Variants in NCMAP observed in about 807,000 individuals in gnomAD.
NCMAP encodes the protein non-compact myelin associated protein, also known as noncompact myelin-associated protein.
In NCMAP, 8 loss-of-function variants were observed where a neutral mutation model predicts 7.8. The observed-to-expected ratio is 1.02, with a 90% CI of 0.60 to 1.84. NCMAP has a LOEUF of 1.84. Among genes scored for constraint, NCMAP ranks in the 40% most tolerant of loss-of-function variants. NCMAP has a pLI of 0.00. For missense variants in NCMAP, 112 were observed against 131.4 expected (o/e 0.85, Z 0.72); for synonymous variants, 41 against 52.9 (o/e 0.78, Z 0.98).
At chr1:24,577,401 G>GTTTTTTTTTTTTTTTTT (rs71577720) in intron 1 of NCMAP, among the ~76,000 whole-genome samples, 10 of 39,958 alleles carry the variant, frequency 2.5e-4, no homozygotes, top group African/African-American at 3.2e-4. Context: ...CACTGGCCTT[G>GTTTTTTTTTTTTTTTTT]TTTTTTTTTT....
rs1000222964 is a variant in NCMAP, at chr1:24,571,822, G to A, written c.-8+15653G>A. On this transcript the variant is annotated intron_variant, in intron 1 of 3. Transcript: ENST00000374392. The stretch of plus-strand genomic sequence containing the variant: ...GCTGGTCACAAACTCCTGACCTCAA[G>A]TGATCCGCCTGCCTCGGCCTCCCAA... 3.3e-5 allele frequency among the ~76,000 whole-genome samples: 5 copies of A among 150,738 alleles called. 1 individual carries two copies. The highest frequency in any genetic ancestry group is 1.2e-4 in the African/African-American group (5 of 40,076).
chr1:24,594,432 C>T (rs952431687), intron 1 of NCMAP, among the ~76,000 whole-genome samples: 1 of 152,176 alleles, frequency 6.6e-6, no homozygotes, highest in Non-Finnish European at 1.5e-5. Flanking sequence ...ATTCACTCAA[C>T]CACCTTGAGT....
At position 24,609,139 on chromosome 1, in the gene NCMAP, A is replaced by G. The variant is rs1427380782; in HGVS notation, c.*3392A>G. 1.3e-5 allele frequency: 2 copies of G among 152,228 alleles called. No individual in the cohort carries two copies. The highest frequency in any genetic ancestry group is 2.9e-5 in the Non-Finnish European group (2 of 68,040). 9.4% of individuals were successfully genotyped at this position (152,228 alleles called of 1,614,324 possible). On this transcript the variant is annotated 3_prime_UTR_variant, in exon 4 of 4. Coordinates refer to ENST00000374392, the MANE Select transcript of NCMAP (RefSeq NM_001010980.5). ...TGCAAGTTGAGGTGCTACTAAGTACATTAAGACACAATTGCTGCTCTCAAG... is the reference window on the plus strand; with the variant it reads ...TGCAAGTTGAGGTGCTACTAAGTACGTTAAGACACAATTGCTGCTCTCAAG...
At chr1:24,566,779 C>T (rs1443561120) in intron 1 of NCMAP, among the ~76,000 whole-genome samples, 1 of 152,172 alleles carries the variant, frequency 6.6e-6, no homozygotes, top group Non-Finnish European at 1.5e-5. Context: ...TGCCTCAAAT[C>T]CACTAAGCAT....
intron 1 of NCMAP, among the ~76,000 whole-genome samples, chr1:24,556,468 C>A (rs1404972684): frequency 6.6e-6 from 1 of 152,208 alleles, no homozygotes; most frequent in Non-Finnish European, 1.5e-5. Context: ...GGGGCCGAGG[C>A]TCGCTGGAAG....
chr1:24,600,591 C>T (rs1652450523), intron 2 of NCMAP, among the ~76,000 whole-genome samples: 1 of 152,202 alleles, frequency 6.6e-6, no homozygotes, highest in African/African-American at 2.4e-5. Flanking sequence ...TTATTTTCTA[C>T]AAAAATCACA....
chr1:24,558,725 G>C (rs1224896083), intron 1 of NCMAP, among the ~76,000 whole-genome samples: 1 of 152,048 alleles, frequency 6.6e-6, no homozygotes, highest in Non-Finnish European at 1.5e-5. Context: ...TCACTCTCAG[G>C]GTTTGCAAAC....
At chr1:24,581,649 C>G (rs1350887252) in intron 1 of NCMAP, among the ~76,000 whole-genome samples, 2 of 152,162 alleles carry the variant, frequency 1.3e-5, no homozygotes, top group South Asian at 2.1e-4. Context: ...CGCACTTCCT[C>G]TAGTCTGTAA....
intron 1 of NCMAP, among the ~76,000 whole-genome samples, chr1:24,590,981 A>G (rs543262468): frequency 6.6e-6 from 1 of 152,224 alleles, no homozygotes; most frequent in Non-Finnish European, 1.5e-5. Context: ...TTTACAGATG[A>G]GCAAATGAAG....
In NCMAP at chr1:24,576,452, G is replaced by T. The variant is rs913750979; in HGVS notation, c.-7-18972G>T. On this transcript the variant is annotated intron_variant, in intron 1 of 3. Coordinates refer to ENST00000374392, the MANE Select transcript of NCMAP (RefSeq NM_001010980.5). The surrounding 1 kb of genome is among the most constrained non-coding windows in gnomAD (Gnocchi z 4.0). Reference sequence around the variant, plus strand: ...CTCCTGTCCTCTCTGGAGTCCAGCGGCTGCCAGGCCCAGGCTTGGCAGGAA... The same window carrying T: ...CTCCTGTCCTCTCTGGAGTCCAGCGTCTGCCAGGCCCAGGCTTGGCAGGAA... 6.6e-6 allele frequency among the ~76,000 whole-genome samples: 1 copy of T among 152,196 alleles called. No individual in the cohort carries two copies. Among genetic ancestry groups the T allele is most frequent in the East Asian group, 1.9e-4 (1 of 5,182 alleles).
At chr1:24,572,313 GAA>G (rs1651414223) in intron 1 of NCMAP, among the ~76,000 whole-genome samples, 1 of 150,684 alleles carries the variant, frequency 6.6e-6, no homozygotes, top group African/African-American at 2.5e-5. Context: ...GTATCCCCAA[GAA>G]GGACTCTCCC....
At chr1:24,578,704 A>C (rs1434211711) in intron 1 of NCMAP, among the ~76,000 whole-genome samples, 1 of 151,556 alleles carries the variant, frequency 6.6e-6, no homozygotes, top group African/African-American at 2.4e-5. Flanking sequence ...CTGGGACTAC[A>C]GGCACATGCT....
chr1:24,590,491 C>T (rs1417002975), intron 1 of NCMAP, among the ~76,000 whole-genome samples: 3 of 152,172 alleles, frequency 2.0e-5, no homozygotes, highest in Admixed American at 6.5e-5. Flanking sequence ...ATACCCTTCA[C>T]GTACTGAGGC....
At chr1:24,557,169 C>T (rs1246791337) in intron 1 of NCMAP, among the ~76,000 whole-genome samples, 2 of 152,140 alleles carry the variant, frequency 1.3e-5, no homozygotes, top group Non-Finnish European at 1.5e-5. Flanking sequence ...AGCACCAGCA[C>T]GGTGCCCAGC....
At chr1:24,596,890 C>T (rs186121270) in intron 2 of NCMAP, among the ~76,000 whole-genome samples, 3 of 152,194 alleles carry the variant, frequency 2.0e-5, no homozygotes, top group East Asian at 1.9e-4. Flanking sequence ...TATAAGGAGA[C>T]GCTTGGGTGT....
At position 24,605,921 on chromosome 1, in the gene NCMAP, AC is replaced by A; in HGVS notation, c.*178del. The A allele has an allele frequency of 1.4e-6, 1 of 711,300 alleles. No homozygotes were observed. The allele number at this position is 711,300 out of a possible 1,614,324, so 44.1% of individuals were successfully genotyped here. Reference sequence around the variant, plus strand: ...TCCTCAACCTTGTCTGCCCTGCCCTACCCCAACTGTGTCCACATCCCTGCCG... The same window carrying A: ...TCCTCAACCTTGTCTGCCCTGCCCTACCCAACTGTGTCCACATCCCTGCCG... On this transcript the variant is annotated 3_prime_UTR_variant, in exon 4 of 4. Transcript: ENST00000374392.
At chr1:24,585,898 C>T (rs1324684099) in intron 1 of NCMAP, among the ~76,000 whole-genome samples, 2 of 152,288 alleles carry the variant, frequency 1.3e-5, no homozygotes, top group South Asian at 2.1e-4. Flanking sequence ...TGGTCTGACT[C>T]CCTCACCTCC....
intron 1 of NCMAP, among the ~76,000 whole-genome samples, chr1:24,587,675 G>C: frequency 6.6e-6 from 1 of 151,954 alleles, no homozygotes; most frequent in East Asian, 1.9e-4. Flanking sequence ...CAATATGCCC[G>C]GCTAATTTTT....
intron 1 of NCMAP, among the ~76,000 whole-genome samples, chr1:24,577,147 T>C (rs1047424632): frequency 1.3e-5 from 2 of 151,414 alleles, no homozygotes; most frequent in East Asian, 3.9e-4. Context: ...TCAAAAAAAA[T>C]AAAAATAAAA....
Sources: gnomAD v4.1 joint callset for allele counts (sites outside exome capture counted in the v4.1 genomes callset) on GRCh38, gnomAD v4.1.1 for gene constraint, Gnocchi (gnomAD v3.1) non-coding constraint, MANE v1.5 for transcripts, NCBI Gene and HGNC (gene_info 2026-07-23, HGNC 2026-07-21) for gene names.